COL25A1: variants seen among roughly 807,000 people sequenced by gnomAD.
COL25A1 encodes the protein collagen alpha-1(XXV) chain.
Under a neutral mutation model 128.4 loss-of-function variants are expected in COL25A1, and 103 were observed. That is an observed-to-expected ratio of 0.80 (90% CI 0.68 to 0.94). The LOEUF (loss-of-function observed/expected upper bound fraction) is 0.94, where lower values mean the gene tolerates loss of function less well. Among genes scored for constraint, COL25A1 ranks in the 40% least tolerant of loss-of-function variants. COL25A1 has a pLI of 0.00. For synonymous variants in COL25A1, 279 were observed against 277.2 expected (o/e 1.01, Z -0.06); for missense variants, 745 against 840.0 (o/e 0.89, Z 1.40).
At chr4:108,852,666 T>C (rs1452091234) in intron 25 of COL25A1, among the ~76,000 whole-genome samples, 1 of 152,182 alleles carries the variant, frequency 6.6e-6, no homozygotes, top group Non-Finnish European at 1.5e-5. Context: ...AATAAAGCTA[T>C]ATTGTTCAGA....
At chr4:109,292,703 C>T (rs760666841) in intron 3 of COL25A1, among the ~76,000 whole-genome samples, 5 of 151,984 alleles carry the variant, frequency 3.3e-5, no homozygotes, top group Non-Finnish European at 7.4e-5. Context: ...GACCACTTAC[C>T]AGTTAGCATG....
chr4:108,932,842 T>G (rs1489209623), intron 11 of COL25A1, among the ~76,000 whole-genome samples: 1 of 152,226 alleles, frequency 6.6e-6, no homozygotes, highest in Non-Finnish European at 1.5e-5. Flanking sequence ...TAATTTGTGC[T>G]AGGATTCAGA....
intron 5 of COL25A1, among the ~76,000 whole-genome samples, chr4:109,030,303 T>C (rs1446900052): frequency 6.6e-6 from 1 of 152,090 alleles, no homozygotes; most frequent in Non-Finnish European, 1.5e-5. Flanking sequence ...ACACCTGAAC[T>C]ATGGAGAGAG....
At chr4:109,011,391 A>G (rs879841382) in intron 5 of COL25A1, among the ~76,000 whole-genome samples, 4 of 149,802 alleles carry the variant, frequency 2.7e-5, no homozygotes, top group Non-Finnish European at 5.9e-5. Flanking sequence ...GATAGAACAG[A>G]TGATTTCCAA....
intron 13 of COL25A1, among the ~76,000 whole-genome samples, chr4:108,903,068 T>A (rs1405144): frequency 0.69 from 104,123 of 151,384 alleles, 37,207 homozygotes; most frequent in East Asian, 1. Context: ...TTTTAAAAAA[T>A]AAATGGTTAA....
At chr4:109,112,222 G>A (rs1347204726) in intron 3 of COL25A1, among the ~76,000 whole-genome samples, 1 of 152,052 alleles carries the variant, frequency 6.6e-6, no homozygotes, top group Admixed American at 6.6e-5. Context: ...AGATCTTCGG[G>A]ATATTTAAAT....
intron 3 of COL25A1, among the ~76,000 whole-genome samples, chr4:109,097,864 A>G (rs968274123): frequency 2.0e-5 from 3 of 151,748 alleles, no homozygotes; most frequent in African/African-American, 4.8e-5. Flanking sequence ...GGGTTTCACA[A>G]TATTGGCCAG....
chr4:109,017,368 T>C (rs543831942), intron 5 of COL25A1, among the ~76,000 whole-genome samples: 14 of 152,274 alleles, frequency 9.2e-5, no homozygotes, highest in African/African-American at 3.4e-4. Flanking sequence ...CCAGGCTGAG[T>C]GGGCAGAATG....
At chr4:109,219,625 T>C (rs559304074) in intron 3 of COL25A1, among the ~76,000 whole-genome samples, 1 of 152,250 alleles carries the variant, frequency 6.6e-6, no homozygotes, top group South Asian at 2.1e-4. Flanking sequence ...CACGCCCTTA[T>C]TTTCAATAAT....
At chr4:109,029,237 A>C (rs1758607239) in intron 5 of COL25A1, among the ~76,000 whole-genome samples, 1 of 152,220 alleles carries the variant, frequency 6.6e-6, no homozygotes, top group African/African-American at 2.4e-5. Flanking sequence ...CTAAGTTTTA[A>C]GTTGCACACC....
chr4:109,056,608 C>T (rs890042810), intron 3 of COL25A1, among the ~76,000 whole-genome samples: 3 of 148,160 alleles, frequency 2.0e-5, no homozygotes, highest in African/African-American at 7.6e-5. Context: ...ACATAAAACA[C>T]AATAAAGCCC....
chr4:108,978,042 C>A (rs1201631696), intron 6 of COL25A1, among the ~76,000 whole-genome samples: 1 of 152,230 alleles, frequency 6.6e-6, no homozygotes, highest in East Asian at 1.9e-4. Flanking sequence ...ACAGAGACAA[C>A]CCTTTTCCTC....
chr4:109,224,418 T>C (rs1487237934), intron 3 of COL25A1, among the ~76,000 whole-genome samples: 2 of 152,186 alleles, frequency 1.3e-5, no homozygotes, highest in Non-Finnish European at 2.9e-5. Context: ...AGTTCGGGCA[T>C]ATATGTTTAA....
intron 11 of COL25A1, among the ~76,000 whole-genome samples, chr4:108,929,563 T>A (rs1379519931): frequency 6.6e-6 from 1 of 151,210 alleles, no homozygotes. Flanking sequence ...AGATGCAGGC[T>A]GGGCGTGGTG....
intron 24 of COL25A1, among the ~76,000 whole-genome samples, chr4:108,857,704 A>C (rs2125785208): frequency 6.6e-6 from 1 of 152,330 alleles, no homozygotes; most frequent in African/African-American, 2.4e-5. Flanking sequence ...AAACAGGTAC[A>C]AAGTAGCAGA....
At chr4:109,188,630 C>T (rs535366638) in intron 3 of COL25A1, among the ~76,000 whole-genome samples, 178 of 152,196 alleles carry the variant, frequency 1.2e-3, no homozygotes, top group African/African-American at 4.1e-3. Flanking sequence ...ATGGGGACAA[C>T]GGCAAGCCAC....
intron 5 of COL25A1, among the ~76,000 whole-genome samples, chr4:109,041,027 T>C (rs1759838159): frequency 6.6e-6 from 1 of 151,992 alleles, no homozygotes; most frequent in Non-Finnish European, 1.5e-5. Context: ...AAAGTGTTAG[T>C]CACTTTTTTT....
chr4:109,216,873 G>A (rs1404625801), intron 3 of COL25A1, among the ~76,000 whole-genome samples: 1 of 152,048 alleles, frequency 6.6e-6, no homozygotes, highest in East Asian at 1.9e-4. Flanking sequence ...AAACCACAGT[G>A]GAAGATTGTA....
intron 3 of COL25A1, among the ~76,000 whole-genome samples, chr4:109,214,546 T>G (rs1222480349): frequency 2.6e-5 from 4 of 152,070 alleles, no homozygotes; most frequent in Admixed American, 2.6e-4. Flanking sequence ...ATTATTTAAA[T>G]ATACATTTTT....
Sources: gnomAD v4.1 joint callset for allele counts (sites outside exome capture counted in the v4.1 genomes callset) on GRCh38, gnomAD v4.1.1 for gene constraint, MANE v1.5 for transcripts, NCBI Gene and HGNC (gene_info 2026-07-23, HGNC 2026-07-21) for gene names.